Variants in PDE4D observed in about 807,000 individuals in gnomAD.
The protein encoded by PDE4D is phosphodiesterase 4D.
PDE4D carries 24 observed loss-of-function variants against 87.4 expected under a neutral mutation model. The ratio of observed to expected loss-of-function variants is 0.27; its 90% CI spans 0.20 to 0.39. The LOEUF is 0.39. Among genes scored for constraint, PDE4D ranks in the 10% least tolerant of loss-of-function variants. The pLI is 1.00. For synonymous variants in PDE4D, 384 were observed against 383.2 expected (o/e 1.00, Z -0.02); for missense variants, 714 against 1,041.0 (o/e 0.69, Z 4.32).
chr5:59,370,991 T>C (rs561773883), intron 1 of PDE4D, among the ~76,000 whole-genome samples: 1 of 152,316 alleles, frequency 6.6e-6, no homozygotes, highest in South Asian at 2.1e-4. Flanking sequence ...CAGGATGGCT[T>C]TGAATGTGGC....
intron 1 of PDE4D, among the ~76,000 whole-genome samples, chr5:59,265,966 A>T (rs1460377660): frequency 6.6e-6 from 1 of 152,118 alleles, no homozygotes; most frequent in Admixed American, 6.6e-5. Context: ...ACAGCTACTT[A>T]CTTAGCTATA....
At chr5:60,499,051 G>A (rs901803074) in intron 1 of PDE4D, among the ~76,000 whole-genome samples, 13 of 152,114 alleles carry the variant, frequency 8.5e-5, no homozygotes, top group African/African-American at 2.4e-4. Context: ...TCCACCCAAC[G>A]CAGATCCTTG....
intron 5 of PDE4D, among the ~76,000 whole-genome samples, chr5:59,102,676 C>A (rs978305029): frequency 5.3e-5 from 8 of 152,078 alleles, no homozygotes; most frequent in Non-Finnish European, 1.2e-4. Flanking sequence ...AAAGGGGGTT[C>A]CCCATCCAGC....
At chr5:60,336,439 T>C (rs1287922687) in intron 1 of PDE4D, among the ~76,000 whole-genome samples, 1 of 152,224 alleles carries the variant, frequency 6.6e-6, no homozygotes, top group Non-Finnish European at 1.5e-5. Flanking sequence ...AGAACCCTAG[T>C]GTGTGCTTCC....
At chr5:59,912,295 A>G (rs908621185) in intron 3 of PDE4D, among the ~76,000 whole-genome samples, 1 of 152,240 alleles carries the variant, frequency 6.6e-6, no homozygotes, top group African/African-American at 2.4e-5. Flanking sequence ...ATAAGAAAAG[A>G]TTTAAGCTAA....
intron 1 of PDE4D, among the ~76,000 whole-genome samples, chr5:59,232,236 T>C (rs1426834315): frequency 2.0e-5 from 3 of 152,082 alleles, no homozygotes. Context: ...AAAGACAACA[T>C]GTTAAATGGG....
At chr5:59,113,446 G>A (rs10071163) in intron 5 of PDE4D, among the ~76,000 whole-genome samples, 93,717 of 151,972 alleles carry the variant, frequency 0.62, 29,433 homozygotes, top group African/African-American at 0.67. Flanking sequence ...TGCCTACTCT[G>A]TTATCAAAAA....
chr5:59,723,449 A>G (rs987263807), intron 1 of PDE4D, among the ~76,000 whole-genome samples: 1 of 152,158 alleles, frequency 6.6e-6, no homozygotes, highest in African/African-American at 2.4e-5. Context: ...CTCAAGAAAT[A>G]CGGACTATTG....
At chr5:59,969,597 T>C (rs890649659) in intron 3 of PDE4D, among the ~76,000 whole-genome samples, 2 of 152,130 alleles carry the variant, frequency 1.3e-5, no homozygotes, top group Non-Finnish European at 2.9e-5. Context: ...CCATATCTCA[T>C]CTTTTGAATT....
At chr5:59,581,020 G>T (rs1325895753) in intron 1 of PDE4D, among the ~76,000 whole-genome samples, 1 of 152,038 alleles carries the variant, frequency 6.6e-6, no homozygotes, top group Admixed American at 6.6e-5. Context: ...ATTGTCTTGG[G>T]TATGTTTATA....
At chr5:59,668,924 A>G (rs1462362785) in intron 1 of PDE4D, among the ~76,000 whole-genome samples, 1 of 141,768 alleles carries the variant, frequency 7.1e-6, no homozygotes, top group Admixed American at 7.1e-5. Context: ...AGAAGAAGAA[A>G]GAAAGAAAGA....
intron 1 of PDE4D, among the ~76,000 whole-genome samples, chr5:60,459,589 T>C (rs1382624267): frequency 2.6e-5 from 4 of 152,050 alleles, no homozygotes; most frequent in African/African-American, 9.7e-5. Flanking sequence ...AGGTTTTTCT[T>C]TTTTCCCACA....
At chr5:60,176,935 A>T (rs962388936) in intron 2 of PDE4D, among the ~76,000 whole-genome samples, 1 of 152,144 alleles carries the variant, frequency 6.6e-6, no homozygotes, top group African/African-American at 2.4e-5. Context: ...CATGTAGGAT[A>T]TAAGAAGAAA....
At chr5:60,454,809 A>G (rs1037029635) in intron 1 of PDE4D, among the ~76,000 whole-genome samples, 2 of 152,178 alleles carry the variant, frequency 1.3e-5, no homozygotes, top group South Asian at 4.1e-4. Context: ...CTTAAAGTAA[A>G]ATAAAATTTA....
chr5:59,068,073 G>T (rs17720871), intron 5 of PDE4D, among the ~76,000 whole-genome samples: 35,405 of 152,016 alleles, frequency 0.23, 5,138 homozygotes, highest in Middle Eastern at 0.37. Flanking sequence ...TTGAGGTCCA[G>T]GGCTTAAAAC....
At chr5:59,709,010 T>G (rs976479464) in intron 1 of PDE4D, among the ~76,000 whole-genome samples, 1 of 151,990 alleles carries the variant, frequency 6.6e-6, no homozygotes, top group Non-Finnish European at 1.5e-5. Context: ...GTGAATTTGA[T>G]AGCAGAATCA....
At chr5:59,026,533 C>T (rs1375180388) in intron 6 of PDE4D, among the ~76,000 whole-genome samples, 1 of 151,480 alleles carries the variant, frequency 6.6e-6, no homozygotes. Flanking sequence ...AGGCACCAGA[C>T]ACTCACTGGG....
chr5:59,634,327 C>T (rs1032858331), intron 1 of PDE4D, among the ~76,000 whole-genome samples: 2 of 152,104 alleles, frequency 1.3e-5, no homozygotes, highest in Admixed American at 6.6e-5. Flanking sequence ...GACAGATGAA[C>T]GAGACAGAAA....
chr5:59,883,399 G>A (rs150150312), intron 1 of PDE4D, among the ~76,000 whole-genome samples: 1 of 152,202 alleles, frequency 6.6e-6, no homozygotes, highest in African/African-American at 2.4e-5. Context: ...TCTTTTAATG[G>A]TGCACACTTA....
Sources: allele counts gnomAD v4.1 joint callset (sites outside exome capture counted in the v4.1 genomes callset), GRCh38; gene constraint gnomAD v4.1.1; transcripts MANE v1.5; gene names NCBI Gene and HGNC (gene_info 2026-07-23, HGNC 2026-07-21).